Variants in COL21A1 observed in about 807,000 individuals in gnomAD.
COL21A1 encodes the protein collagen type XXI alpha 1 chain, also known as collagen alpha-1(XXI) chain.
Under a neutral mutation model 137.9 loss-of-function variants are expected in COL21A1, and 149 were observed. The observed-to-expected ratio is 1.08, with a 90% CI of 0.95 to 1.24. The LOEUF (loss-of-function observed/expected upper bound fraction) is 1.24, where lower values mean the gene tolerates loss of function less well. Among genes scored for constraint, COL21A1 ranks in the 50% most tolerant of loss-of-function variants. The pLI, the probability that COL21A1 is intolerant of heterozygous loss-of-function variation, is 0.00. For synonymous variants in COL21A1, 456 were observed against 391.5 expected, an observed-to-expected ratio of 1.16 and a Z score of -1.95; for missense variants, 1,167 against 1,158.4, an observed-to-expected ratio of 1.01 and a Z score of -0.11.
chr6:56,162,527 A>G (rs1281332526), intron 9 of COL21A1, among the ~76,000 whole-genome samples: 5 of 152,180 alleles, frequency 3.3e-5, no homozygotes, highest in African/African-American at 1.2e-4. Flanking sequence ...CAAGACATCT[A>G]TTGGACCACA....
chr6:56,142,581 C>T (rs1054014196), intron 10 of COL21A1, among the ~76,000 whole-genome samples: 1 of 152,274 alleles, frequency 6.6e-6, no homozygotes, highest in South Asian at 2.1e-4. Context: ...GACATCCCTC[C>T]TCAAAAACTG....
chr6:56,218,399 G>C (rs1023185813), intron 1 of COL21A1, among the ~76,000 whole-genome samples: 1 of 151,828 alleles, frequency 6.6e-6, no homozygotes, highest in Non-Finnish European at 1.5e-5. Context: ...AAATCAAAAG[G>C]TGCTCTTTAA....
At chr6:56,167,452 A>G (rs1200722175) in intron 6 of COL21A1, among the ~76,000 whole-genome samples, 1 of 152,228 alleles carries the variant, frequency 6.6e-6, no homozygotes, top group Admixed American at 6.5e-5. Flanking sequence ...AATATTTACT[A>G]CAATTTGACA....
At chr6:56,081,884 C>CT (rs1767802468) in intron 17 of COL21A1, among the ~76,000 whole-genome samples, 1 of 151,748 alleles carries the variant, frequency 6.6e-6, no homozygotes, top group Admixed American at 6.6e-5. Context: ...ATATAGGCTA[C>CT]TCATGTTTAT....
chr6:56,326,667 A>C (rs907692832), intron 1 of COL21A1, among the ~76,000 whole-genome samples: 1 of 152,028 alleles, frequency 6.6e-6, no homozygotes, highest in Non-Finnish European at 1.5e-5. Flanking sequence ...AGTTGAAACA[A>C]CTTTTGGAAT....
chr6:56,185,063 A>T (rs1778175294), intron 1 of COL21A1, among the ~76,000 whole-genome samples: 1 of 152,102 alleles, frequency 6.6e-6, no homozygotes. Context: ...ATATTTTGTG[A>T]TACAGCTAAA....
At chr6:56,318,709 A>G (rs574856934) in intron 1 of COL21A1, among the ~76,000 whole-genome samples, 5 of 152,046 alleles carry the variant, frequency 3.3e-5, no homozygotes, top group Non-Finnish European at 4.4e-5. Context: ...CTTCTCAAGC[A>G]CACCTCTCCT....
At chr6:56,267,269 CTCTTCCTAGTA>C in intron 1 of COL21A1, among the ~76,000 whole-genome samples, 1 of 152,196 alleles carries the variant, frequency 6.6e-6, no homozygotes, top group Non-Finnish European at 1.5e-5. Context: ...AACCTGCTTC[CTCTTCCTAGTA>C]ACATTGCCTG....
chr6:56,375,970 T>C (rs2093998444), intron 1 of COL21A1, among the ~76,000 whole-genome samples: 1 of 152,098 alleles, frequency 6.6e-6, no homozygotes, highest in South Asian at 2.1e-4. Context: ...TGGAAGTAAA[T>C]AAAACTAGTG....
chr6:56,130,176 T>C (rs949742676), intron 12 of COL21A1, among the ~76,000 whole-genome samples: 1 of 27,052 alleles, frequency 3.7e-5, no homozygotes. Context: ...TATATATATA[T>C]ATATATATAT....
chr6:56,243,367 T>G (rs1430550388), intron 1 of COL21A1, among the ~76,000 whole-genome samples: 1 of 152,154 alleles, frequency 6.6e-6, no homozygotes, highest in Admixed American at 6.5e-5. Flanking sequence ...ACTGGGACCT[T>G]ACAAAAATGT....
intron 18 of COL21A1, among the ~76,000 whole-genome samples, chr6:56,076,350 A>G (rs552140745): frequency 1.3e-5 from 2 of 151,648 alleles, no homozygotes; most frequent in East Asian, 1.9e-4. Context: ...TGAGCTCATG[A>G]TAAACAATAT....
chr6:56,134,030 C>T (rs942708850), intron 12 of COL21A1, among the ~76,000 whole-genome samples: 10 of 152,236 alleles, frequency 6.6e-5, no homozygotes, highest in Admixed American at 6.5e-4. Flanking sequence ...TACTGGGGTA[C>T]TGCCTAGCAG....
chr6:56,155,330 TGTG>T (rs1218067113), intron 10 of COL21A1, among the ~76,000 whole-genome samples: 1 of 150,924 alleles, frequency 6.6e-6, no homozygotes, highest in African/African-American at 2.4e-5. Context: ...TCTGGCTAGT[TGTG>T]GTTTTTTTTG....
chr6:56,295,674 CCTGTTTATTT>C (rs1764148263), intron 1 of COL21A1, among the ~76,000 whole-genome samples: 1 of 151,558 alleles, frequency 6.6e-6, no homozygotes, highest in Non-Finnish European at 1.5e-5. Flanking sequence ...AAAATTTATA[CCTGTTTATTT>C]CTTTTTGGAG....
At chr6:56,152,217 G>A (rs1049245487) in intron 10 of COL21A1, among the ~76,000 whole-genome samples, 1 of 152,062 alleles carries the variant, frequency 6.6e-6, no homozygotes, top group Non-Finnish European at 1.5e-5. Context: ...CTGGGCTCAC[G>A]ATTACCTCAC....
chr6:56,259,939 C>G (rs891410602), intron 1 of COL21A1, among the ~76,000 whole-genome samples: 60 of 152,276 alleles, frequency 3.9e-4, no homozygotes, highest in African/African-American at 1.4e-3. Context: ...TATGATATCC[C>G]GGAGTCATTC....
At chr6:56,256,011 G>C (rs566676180) in intron 1 of COL21A1, among the ~76,000 whole-genome samples, 1 of 152,314 alleles carries the variant, frequency 6.6e-6, no homozygotes, top group South Asian at 2.1e-4. Context: ...AAGGATATAA[G>C]AGGATGCTTC....
chr6:56,382,036 A>T (rs1220648770), intron 1 of COL21A1, among the ~76,000 whole-genome samples: 2 of 152,220 alleles, frequency 1.3e-5, no homozygotes, highest in Non-Finnish European at 1.5e-5. Context: ...ACTAAACTGT[A>T]AAAAGGAACT....
Sources: allele counts gnomAD v4.1 joint callset (sites outside exome capture counted in the v4.1 genomes callset), GRCh38; gene constraint gnomAD v4.1.1; transcripts MANE v1.5; gene names NCBI Gene and HGNC (gene_info 2026-07-23, HGNC 2026-07-21).